The following RRAS2 variants were observed in gnomAD, a reference collection of about 807,000 sequenced individuals.
RRAS2 encodes ras-related protein R-Ras2.
A neutral mutation model predicts 27.6 loss-of-function variants in RRAS2; 7 were observed. That is an observed-to-expected ratio of 0.25 (90% CI 0.14 to 0.48). RRAS2 has a LOEUF of 0.48. Among genes scored for constraint, RRAS2 ranks in the 20% least tolerant of loss-of-function variants. The pLI, the probability that RRAS2 is intolerant of heterozygous loss-of-function variation, is 0.99. For synonymous variants in RRAS2, 86 were observed against 90.9 expected, an observed-to-expected ratio of 0.95 and a Z score of 0.31; for missense variants, 178 against 256.2, an observed-to-expected ratio of 0.69 and a Z score of 2.08.
At chr11:14,349,116 C>T (rs1425414104) in intron 1 of RRAS2, among the ~76,000 whole-genome samples, 3 of 151,872 alleles carry the variant, frequency 2.0e-5, no homozygotes, top group African/African-American at 4.8e-5. Context: ...TAGGCACCCG[C>T]GACCACGCCC....
intron 1 of RRAS2, among the ~76,000 whole-genome samples, chr11:14,307,035 A>G (rs979132264): frequency 6.6e-6 from 1 of 152,054 alleles, no homozygotes; most frequent in East Asian, 1.9e-4. Context: ...TACCCAAAAT[A>G]CAAAAATTAG....
chr11:14,348,565 CTATT>C (rs1242631400), intron 1 of RRAS2, among the ~76,000 whole-genome samples: 1 of 152,204 alleles, frequency 6.6e-6, no homozygotes, highest in Non-Finnish European at 1.5e-5. Context: ...GATCCTTACT[CTATT>C]TATGGGTAAT....
At chr11:14,298,922 A>G (rs1809128637) in intron 1 of RRAS2, among the ~76,000 whole-genome samples, 1 of 152,192 alleles carries the variant, frequency 6.6e-6, no homozygotes, top group Non-Finnish European at 1.5e-5. Context: ...TGGGTACCAG[A>G]TATTTGAGGC....
chr11:14,289,035 A>C (rs1849741411), intron 4 of RRAS2, among the ~76,000 whole-genome samples: 1 of 152,204 alleles, frequency 6.6e-6, no homozygotes. Flanking sequence ...AAACCCTCAT[A>C]GTACCTACAC....
At chr11:14,363,033 G>A (rs564331967), upstream of RRAS2, among the ~76,000 whole-genome samples, 12 of 152,190 alleles carry the variant, frequency 7.9e-5, no homozygotes, top group Non-Finnish European at 1.8e-4. Context: ...ATTGGTTGCC[G>A]ATATTTAAAA....
chr11:14,324,758 A>AC, intron 1 of RRAS2, among the ~76,000 whole-genome samples: 1 of 152,176 alleles, frequency 6.6e-6, no homozygotes, highest in East Asian at 1.9e-4. Flanking sequence ...AACTTATCCT[A>AC]CCCTCTACGA....
At chr11:14,297,187 A>T (rs1324649319) in intron 1 of RRAS2, among the ~76,000 whole-genome samples, 2 of 152,082 alleles carry the variant, frequency 1.3e-5, no homozygotes, top group African/African-American at 2.4e-5. Flanking sequence ...CTCAAAGCCC[A>T]TTTTCCCACT....
chr11:14,364,261 T>A, intron 1 of RRAS2: 1 of 862,188 alleles, frequency 1.2e-6, no homozygotes, highest in Non-Finnish European at 1.9e-6. Flanking sequence ...AGACAGGATC[T>A]GAGGGTAGAG....
chr11:14,292,500 A>T (rs1340613475), intron 4 of RRAS2, among the ~76,000 whole-genome samples: 2 of 152,186 alleles, frequency 1.3e-5, no homozygotes, highest in Non-Finnish European at 2.9e-5. Flanking sequence ...ACTAGAAAGA[A>T]CTGAGAAGAG....
In RRAS2 at chr11:14,358,824, C is replaced by A; in HGVS notation, c.47G>T (p.Arg16Leu). The A allele has an allele frequency of 6.7e-7, 1 of 1,495,678 alleles. No individual in the cohort carries two copies. The highest frequency in any genetic ancestry group is 9.0e-7 in the Non-Finnish European group (1 of 1,116,372). The allele number at this position is 1,495,678 out of a possible 1,614,324, so 92.7% of individuals were successfully genotyped here. ...WRDGSGQEKYRLVVVGGGGVG... is the reference protein window; with the variant it reads ...WRDGSGQEKYLLVVVGGGGVG... ...GCCGCCCCCGCCGACCACCACGAGC[C>A]GGTACTTCTCCTGGCCGGAGCCGTC... The change falls in exon 1 of 6, where the codon CGG (arginine) becomes CTG (leucine). Residue 16 changes from arginine to leucine, a missense_variant. By Grantham distance (102) the Arg-to-Leu change is moderately radical (BLOSUM62 -2). Coordinates refer to ENST00000256196, the MANE Select transcript of RRAS2 (RefSeq NM_012250.6). The surrounding 1 kb of genome is among the most constrained non-coding windows in gnomAD (Gnocchi z 5.1).
intron 1 of RRAS2, among the ~76,000 whole-genome samples, chr11:14,308,620 C>T (rs569426134): frequency 9.2e-5 from 14 of 152,290 alleles, no homozygotes; most frequent in African/African-American, 3.1e-4. Context: ...GGAAGATTTG[C>T]TTGAAGCCCT....
intron 1 of RRAS2, among the ~76,000 whole-genome samples, chr11:14,300,954 G>C (rs1469928796): frequency 1.2e-4 from 19 of 152,130 alleles, no homozygotes; most frequent in Admixed American, 6.5e-4. Flanking sequence ...GAAATTCTAG[G>C]AAACTCAGTG....
At chr11:14,353,533 T>C (rs12270374) in intron 1 of RRAS2, among the ~76,000 whole-genome samples, 44,955 of 150,968 alleles carry the variant, frequency 0.3, 7,610 homozygotes, top group South Asian at 0.43. Context: ...AGGCTGCAGA[T>C]AGCCAAGATC....
upstream of RRAS2, among the ~76,000 whole-genome samples, chr11:14,359,447 C>T (rs1368322311): frequency 6.6e-6 from 1 of 152,046 alleles, no homozygotes; most frequent in Non-Finnish European, 1.5e-5. Context: ...TATGTGACGG[C>T]GTGTGCGAAA....
chr11:14,325,507 G>GA (rs1848334284), intron 1 of RRAS2, among the ~76,000 whole-genome samples: 1 of 152,060 alleles, frequency 6.6e-6, no homozygotes, highest in Admixed American at 6.6e-5. Flanking sequence ...CACCTTGTTA[G>GA]CCAGAATGGT....
intron 1 of RRAS2, among the ~76,000 whole-genome samples, chr11:14,299,820 C>CA (rs1847650073): frequency 1.3e-5 from 2 of 151,980 alleles, no homozygotes; most frequent in East Asian, 1.9e-4. Context: ...ATACCCAAGC[C>CA]AAAAAACAAA....
chr11:14,363,518 C>G (rs782184214), upstream of RRAS2, among the ~76,000 whole-genome samples: 11 of 152,206 alleles, frequency 7.2e-5, no homozygotes, highest in Non-Finnish European at 1.2e-4. Context: ...CTTGTAATCC[C>G]AGCACTTTGG....
intron 1 of RRAS2, among the ~76,000 whole-genome samples, chr11:14,329,526 G>A (rs879999084): frequency 6.6e-6 from 1 of 152,146 alleles, no homozygotes; most frequent in Admixed American, 6.5e-5. Flanking sequence ...ATATTCACAT[G>A]TGCATAATCT....
intron 1 of RRAS2, among the ~76,000 whole-genome samples, chr11:14,310,985 C>T (rs554387108): frequency 6.6e-6 from 1 of 152,308 alleles, no homozygotes; most frequent in South Asian, 2.1e-4. Flanking sequence ...TGCATACACA[C>T]TGCTTCTGAT....
Sources: gnomAD v4.1 joint callset for allele counts (sites outside exome capture counted in the v4.1 genomes callset) on GRCh38, gnomAD v4.1.1 for gene constraint, Gnocchi (gnomAD v3.1) non-coding constraint, MANE v1.5 for transcripts, NCBI Gene and HGNC (gene_info 2026-07-23, HGNC 2026-07-21) for gene names.